The following CRIM1 variants were observed in gnomAD, a reference collection of about 807,000 sequenced individuals.
CRIM1 encodes the protein cysteine rich transmembrane BMP regulator 1, also known as cysteine-rich motor neuron 1 protein.
CRIM1 carries 32 observed loss-of-function variants against 116.4 expected under a neutral mutation model. That is an observed-to-expected ratio of 0.27 (90% CI 0.21 to 0.37). CRIM1 has a LOEUF of 0.37. Ranked by LOEUF, CRIM1 falls within the 10% of genes least tolerant of loss-of-function variation. The pLI is 1.00. For missense variants in CRIM1, 1,331 were observed against 1,354.8 expected (o/e 0.98, Z 0.28); for synonymous variants, 590 against 509.2 (o/e 1.16, Z -2.13).
chr2:36,472,161 G>A lies in CRIM1; in HGVS notation c.992-4728G>A, dbSNP rs181869623. ...GCACTTCTGTGCTTCATATTGAGAAGTACAAATTACACAGTAAATTATTTC... is the reference window on the plus strand; with the variant it reads ...GCACTTCTGTGCTTCATATTGAGAAATACAAATTACACAGTAAATTATTTC... On this transcript the variant is annotated intron_variant, in intron 5 of 16. Transcript: ENST00000280527. Among the ~76,000 whole-genome samples, 443 of 152,286 alleles carry A rather than the reference G, an allele frequency of 2.9e-3. 3 individuals carry two copies. Among genetic ancestry groups the A allele is most frequent in the South Asian group, 0.029 (138 of 4,824 alleles).
chr2:36,500,458 A>G (rs890245228), intron 8 of CRIM1, among the ~76,000 whole-genome samples: 3 of 152,292 alleles, frequency 2.0e-5, no homozygotes, highest in Admixed American at 2.0e-4. Context: ...AAACACTAGG[A>G]ACTTTTTTAC....
intron 13 of CRIM1, among the ~76,000 whole-genome samples, chr2:36,535,791 G>A (rs1034841056): frequency 2.6e-5 from 4 of 152,258 alleles, no homozygotes; most frequent in African/African-American, 9.6e-5. Flanking sequence ...CATAACCACA[G>A]ATTGAAAATA....
chr2:36,461,697 C>G (rs1677592447), intron 4 of CRIM1, among the ~76,000 whole-genome samples: 1 of 152,142 alleles, frequency 6.6e-6, no homozygotes, highest in South Asian at 2.1e-4. Flanking sequence ...TAACAGACTT[C>G]CTGGGCAAAT....
rs1316262074 is a variant in CRIM1 at position 36,550,725 on chromosome 2, A to G, written c.*2024A>G. 6.6e-6 allele frequency: 1 copy of G among 152,562 alleles called. No individual in the cohort carries two copies. The allele number at this position is 152,562 out of a possible 1,614,324, so 9.5% of individuals were successfully genotyped here. On this transcript the variant is annotated 3_prime_UTR_variant, in exon 17 of 17. Coordinates refer to ENST00000280527, the MANE Select transcript of CRIM1 (RefSeq NM_016441.3). ...TCCAAAATAAATTTGTTAATGATACATTACAAAAATAGATTGACATCAGCC... is the reference window on the plus strand; with the variant it reads ...TCCAAAATAAATTTGTTAATGATACGTTACAAAAATAGATTGACATCAGCC...
chr2:36,513,109 G>T (rs1664799819), intron 10 of CRIM1: 1 of 198,294 alleles, frequency 5.0e-6, no homozygotes. Flanking sequence ...TGTTTCTAAG[G>T]GGTTGGAGTA....
intron 1 of CRIM1, among the ~76,000 whole-genome samples, chr2:36,357,490 G>C (rs2148264185): frequency 6.6e-6 from 1 of 152,240 alleles, no homozygotes; most frequent in Middle Eastern, 3.4e-3. Flanking sequence ...GATTAGATTA[G>C]TGGAGTCTTT....
chr2:36,484,290 G>A (rs1485630768), intron 7 of CRIM1, among the ~76,000 whole-genome samples: 1 of 152,106 alleles, frequency 6.6e-6, no homozygotes, highest in Non-Finnish European at 1.5e-5. Flanking sequence ...ACACGGGCAA[G>A]GATTTTTTTT....
chr2:36,411,100 G>T (rs1335742832), intron 2 of CRIM1, among the ~76,000 whole-genome samples: 1 of 152,122 alleles, frequency 6.6e-6, no homozygotes, highest in African/African-American at 2.4e-5. Flanking sequence ...GTACTAAAAA[G>T]AAAATACTAT....
intron 16 of CRIM1, among the ~76,000 whole-genome samples, chr2:36,548,060 G>A (rs1212024868): frequency 6.6e-6 from 1 of 152,156 alleles, no homozygotes; most frequent in African/African-American, 2.4e-5. Context: ...ACAGTTGCCA[G>A]TGTCCAAAGC....
At chr2:36,495,876 A>T (rs375412813) in intron 7 of CRIM1, among the ~76,000 whole-genome samples, 2 of 151,568 alleles carry the variant, frequency 1.3e-5, no homozygotes, top group African/African-American at 4.9e-5. Context: ...ATTCATAAAT[A>T]GGTAGATAGT....
Position 36,499,282 on chromosome 2 carries a change from G to A in CRIM1, c.1436G>A (p.Gly479Glu), listed in dbSNP as rs1471145892. ...GAGTTATCAAACTGCACTCTGACAG[G>A]GAAGGACTGCATTAATGGTTTCAAA... The part of the protein sequence containing the change: ...CGELSNCTLT[G>E]KDCINGFKRD... The change falls in exon 8 of 17, where the codon GGG becomes GAG. Residue 479 changes from glycine (G) to glutamate (E), a missense_variant. By Grantham distance (98) the Gly-to-Glu change is moderately conservative. Around this residue, in one of 3 missense-constraint regions of CRIM1, gnomAD observed 690 missense variants for 676.0 expected, o/e 1.02. Transcript: ENST00000280527. 1.2e-6 allele frequency: 2 copies of A among 1,613,800 alleles called. No homozygotes were observed. Among genetic ancestry groups the A allele is most frequent in the Non-Finnish European group, 1.7e-6 (2 of 1,179,740 alleles).
At chr2:36,520,887 CAG>C (rs1157473297) in intron 12 of CRIM1, among the ~76,000 whole-genome samples, 6 of 152,176 alleles carry the variant, frequency 3.9e-5, no homozygotes, top group Admixed American at 6.5e-5. Flanking sequence ...CTAAAAATAA[CAG>C]AGCTCATGAA....
At chr2:36,435,548 T>G (rs1202947655) in intron 2 of CRIM1, among the ~76,000 whole-genome samples, 1 of 152,126 alleles carries the variant, frequency 6.6e-6, no homozygotes, top group African/African-American at 2.4e-5. Context: ...TAAATTTGCT[T>G]TTAAGCAGAA....
rs711252 is a variant in CRIM1, at chr2:36,464,808, A to T, written c.991+153A>T. Among the ~76,000 whole-genome samples, 23 of 152,090 alleles carry T rather than the reference A, an allele frequency of 1.5e-4. No homozygotes were observed. The East Asian group carries it at 2.1e-3, about 14-fold the overall frequency. ...TCAAAAAGGTTTGCTTAAGATCCAC[A>T]GTGCAGTAAAGAAAGTTAGGTTAGG... is the stretch of plus-strand genomic sequence containing the variant. On this transcript the variant is annotated intron_variant, in intron 5 of 16. Transcript: ENST00000280527.
intron 2 of CRIM1, among the ~76,000 whole-genome samples, chr2:36,402,773 A>G (rs1672514780): frequency 2.0e-5 from 3 of 150,968 alleles, no homozygotes; most frequent in African/African-American, 4.9e-5. Flanking sequence ...GTTAATATGG[A>G]TGTTGAGGGA....
chr2:36,406,632 CCA>C (rs1491512250), intron 2 of CRIM1, among the ~76,000 whole-genome samples: 16 of 80,082 alleles, frequency 2.0e-4, no homozygotes, highest in East Asian at 1.3e-3. Context: ...TCCCCCCCCC[CCA>C]AAAAAAAACA....
chr2:36,546,694 G>GCA (rs774137026), intron 15 of CRIM1, among the ~76,000 whole-genome samples: 5 of 148,658 alleles, frequency 3.4e-5, no homozygotes, highest in Admixed American at 6.7e-5. Flanking sequence ...ATCTACCTAA[G>GCA]CACCTTCTTA....
intron 1 of CRIM1, among the ~76,000 whole-genome samples, chr2:36,377,013 A>AT (rs1670371681): frequency 6.6e-6 from 1 of 152,134 alleles, no homozygotes; most frequent in Admixed American, 6.6e-5. Context: ...TTGGTCACTG[A>AT]TTTCCCCTTT....
intron 2 of CRIM1, among the ~76,000 whole-genome samples, chr2:36,430,658 C>T (rs959055209): frequency 2.6e-5 from 4 of 152,070 alleles, no homozygotes; most frequent in African/African-American, 4.8e-5. Context: ...TTGCTGGAGC[C>T]GAAGGAATGG....
Sources: gnomAD v4.1 joint callset for allele counts (sites outside exome capture counted in the v4.1 genomes callset) on GRCh38, gnomAD v4.1.1 for gene constraint, gnomAD v4.1.1 regional missense constraint, MANE v1.5 for transcripts, NCBI Gene and HGNC (gene_info 2026-07-23, HGNC 2026-07-21) for gene names.